SYN3: variants seen among roughly 807,000 people sequenced by gnomAD.
SYN3 encodes the protein synapsin-3.
SYN3 carries 35 observed loss-of-function variants against 65.8 expected under a neutral mutation model. The observed-to-expected ratio is 0.53, with a 90% CI of 0.41 to 0.70. The LOEUF (loss-of-function observed/expected upper bound fraction) is 0.70. SYN3 is among the 30% of genes least tolerant of loss of function. The probability of loss-of-function intolerance (pLI) is 0.00; values close to 1 mark genes in which losing one functional copy is unlikely to be tolerated. For missense variants in SYN3, 680 were observed against 749.0 expected, an observed-to-expected ratio of 0.91 and a Z score of 1.08; for synonymous variants, 270 against 292.9, an observed-to-expected ratio of 0.92 and a Z score of 0.80.
intron 3 of SYN3, among the ~76,000 whole-genome samples, chr22:32,936,478 C>T (rs1245844405): frequency 6.7e-6 from 1 of 148,538 alleles, no homozygotes; most frequent in Non-Finnish European, 1.5e-5. Flanking sequence ...GATGAATCTG[C>T]AGAGAAAAAA....
chr22:32,827,615 C>A (rs2047450723), intron 6 of SYN3, among the ~76,000 whole-genome samples: 1 of 152,142 alleles, frequency 6.6e-6, no homozygotes, highest in South Asian at 2.1e-4. Flanking sequence ...CAAGCCACTC[C>A]CCTACAATCC....
chr22:32,548,069 T>C (rs1270164208), intron 7 of SYN3, among the ~76,000 whole-genome samples: 3 of 152,208 alleles, frequency 2.0e-5, no homozygotes, highest in Non-Finnish European at 2.9e-5. Flanking sequence ...TTCACCATCA[T>C]GAAACGCCCA....
chr22:32,739,523 C>T (rs1447507822), intron 6 of SYN3, among the ~76,000 whole-genome samples: 1 of 152,162 alleles, frequency 6.6e-6, no homozygotes, highest in African/African-American at 2.4e-5. Flanking sequence ...AGGCTCAGAG[C>T]ACTGAAGTTA....
At chr22:32,909,169 A>G (rs890135301) in intron 4 of SYN3, among the ~76,000 whole-genome samples, 5 of 152,198 alleles carry the variant, frequency 3.3e-5, no homozygotes, top group Admixed American at 3.3e-4. Flanking sequence ...ACAGTTGACA[A>G]GTCATGGTCT....
At chr22:32,658,880 G>A (rs896099146) in intron 6 of SYN3, among the ~76,000 whole-genome samples, 4 of 152,326 alleles carry the variant, frequency 2.6e-5, no homozygotes, top group South Asian at 2.1e-4. Flanking sequence ...TATATGTAGC[G>A]ATAATAACAG....
At chr22:32,516,615 C>T (rs536414338) in intron 13 of SYN3, among the ~76,000 whole-genome samples, 18 of 152,330 alleles carry the variant, frequency 1.2e-4, no homozygotes, top group Admixed American at 1.2e-3. Flanking sequence ...ATCCACCCAC[C>T]TTGGCCTCCC....
At chr22:32,693,816 T>A (rs919903145) in intron 6 of SYN3, among the ~76,000 whole-genome samples, 88 of 152,014 alleles carry the variant, frequency 5.8e-4, no homozygotes, top group Non-Finnish European at 1.0e-3. Context: ...GGTCTCGAAC[T>A]CCTGACCTCA....
At chr22:32,818,897 G>A (rs1019613218) in intron 6 of SYN3, among the ~76,000 whole-genome samples, 3 of 152,180 alleles carry the variant, frequency 2.0e-5, no homozygotes, top group Non-Finnish European at 2.9e-5. Flanking sequence ...GGCAGGTAGT[G>A]GATTTCAAGC....
intron 6 of SYN3, chr22:32,833,788 T>C (rs1275978870): frequency 1.0e-5 from 5 of 499,180 alleles, no homozygotes; most frequent in Non-Finnish European, 2.0e-5. Context: ...TGACAACACT[T>C]ACTTTATAGG....
intron 2 of SYN3, among the ~76,000 whole-genome samples, chr22:32,992,993 C>T (rs968400946): frequency 6.6e-6 from 1 of 152,066 alleles, no homozygotes; most frequent in Non-Finnish European, 1.5e-5. Context: ...TTGTGCAGTC[C>T]TGGTGGGACT....
At position 33,006,540 on chromosome 22, in the gene SYN3, C is replaced by T; in HGVS notation, c.123G>A (p.Glu41=). 1 of 1,614,198 alleles carries T rather than the reference C, an allele frequency of 6.2e-7. No homozygotes were observed. The highest frequency in any genetic ancestry group is 8.5e-7 in the Non-Finnish European group (1 of 1,180,042). Residue 41 remains glutamate (E), a synonymous_variant, in exon 2 of 14, where the codon GAG becomes GAA. Coordinates refer to ENST00000358763, the MANE Select transcript of SYN3 (RefSeq NM_003490.4). The part of the protein sequence containing the change: ...STSSPASPAM[E]RRHPQPLAAS... ...CAGCCAGGGGCTGGGGGTGCCTCCT[C>T]TCCATGGCGGGGGAAGCAGGTGAGC...
chr22:32,612,394 G>C (rs1369696065), intron 6 of SYN3, among the ~76,000 whole-genome samples: 2 of 152,190 alleles, frequency 1.3e-5, no homozygotes, highest in African/African-American at 4.8e-5. Flanking sequence ...ACTCCAGATA[G>C]TTAGTGTCAG....
At chr22:32,687,287 C>T (rs996422553) in intron 6 of SYN3, among the ~76,000 whole-genome samples, 10 of 151,898 alleles carry the variant, frequency 6.6e-5, no homozygotes, top group South Asian at 2.1e-4. Context: ...CTCAGCCTGC[C>T]GAGTAGCTGG....
At chr22:32,862,165 T>C (rs1490818160) in intron 6 of SYN3, 1 of 152,410 alleles carries the variant, frequency 6.6e-6, no homozygotes, top group East Asian at 1.9e-4. Flanking sequence ...TACCATTTAC[T>C]TCACCCCAAG....
intron 6 of SYN3, among the ~76,000 whole-genome samples, chr22:32,849,694 T>C (rs562296789): frequency 6.6e-6 from 1 of 152,178 alleles, no homozygotes; most frequent in East Asian, 1.9e-4. Context: ...TAAGGCTGCA[T>C]AAAGGGATGG....
rs565704083 is a variant in SYN3 at position 32,573,637 on chromosome 22, A to G, written c.774+23037T>C. 7.9e-5 allele frequency among the ~76,000 whole-genome samples: 12 copies of G among 151,398 alleles called. No homozygotes were observed. The South Asian group carries it at 1.9e-3, about 24-fold the overall frequency. On this transcript the variant is annotated intron_variant, in intron 7 of 13. Transcript: ENST00000358763. Reference sequence around the variant, plus strand: ...CCTGTAGGATTTCATGCAAAAGGAGAGTTTTGAGTGGCCCAGTTCACTCAT... The same window carrying G: ...CCTGTAGGATTTCATGCAAAAGGAGGGTTTTGAGTGGCCCAGTTCACTCAT...
In SYN3 at chr22:32,829,536, C is replaced by G. The variant is rs575850714; in HGVS notation, c.711+35379G>C. Among the ~76,000 whole-genome samples the G allele has an allele frequency of 5.2e-4, 79 of 152,246 alleles. 1 individual carries two copies. The highest frequency in any genetic ancestry group is 1.6e-4 in the Non-Finnish European group (11 of 68,046). On this transcript the variant is annotated intron_variant, in intron 6 of 13. Transcript: ENST00000358763. ...CATCTAGCCAGCATCCCCACCGCAG[C>G]AGGGCTGCCCGCCTCCTGTTTCGTG...
At chr22:32,710,111 A>ATGTGTG (rs55824039) in intron 6 of SYN3, among the ~76,000 whole-genome samples, 2 of 135,218 alleles carry the variant, frequency 1.5e-5, no homozygotes, top group Non-Finnish European at 3.2e-5. Context: ...GTGTGTGTGT[A>ATGTGTG]TGTGTGTGTG....
At chr22:32,597,395 T>C (rs1371875212) in intron 6 of SYN3, among the ~76,000 whole-genome samples, 2 of 151,910 alleles carry the variant, frequency 1.3e-5, no homozygotes, top group East Asian at 3.9e-4. Context: ...TTTGTATTTC[T>C]AGTAGAGATG....
Sources: gnomAD v4.1 joint callset for allele counts (sites outside exome capture counted in the v4.1 genomes callset) on GRCh38, gnomAD v4.1.1 for gene constraint, MANE v1.5 for transcripts, NCBI Gene and HGNC (gene_info 2026-07-23, HGNC 2026-07-21) for gene names.